The following ZFHX3 variants were observed in gnomAD, a reference collection of about 807,000 sequenced individuals.
The protein encoded by ZFHX3 is zinc finger homeobox protein 3.
A neutral mutation model predicts 279.1 loss-of-function variants in ZFHX3; 42 were observed. The observed-to-expected ratio is 0.15, with a 90% confidence interval of 0.12 to 0.19. The LOEUF is 0.19. Ranked by LOEUF, ZFHX3 falls within the 10% of genes least tolerant of loss-of-function variation. ZFHX3 has a pLI of 1.00. For synonymous variants in ZFHX3, 2,293 were observed against 1,957.8 expected, an observed-to-expected ratio of 1.17 and a Z score of -4.52; for missense variants, 4,981 against 4,754.0, an observed-to-expected ratio of 1.05 and a Z score of -1.40.
intron 5 of ZFHX3, among the ~76,000 whole-genome samples, chr16:73,192,889 G>T (rs528831784): frequency 6.6e-6 from 1 of 152,304 alleles, no homozygotes. Flanking sequence ...CAAATGGTGG[G>T]GAGCTGGACA....
At chr16:73,268,698 T>C (rs1286745520) in intron 4 of ZFHX3, among the ~76,000 whole-genome samples, 4 of 152,220 alleles carry the variant, frequency 2.6e-5, no homozygotes, top group African/African-American at 4.8e-5. Flanking sequence ...TGCCCTTTCA[T>C]CAGCCTTTTG....
At position 72,794,511 on chromosome 16, in the gene ZFHX3, G is replaced by A. The variant is rs745311893; in HGVS notation, c.8171C>T (p.Thr2724Ile). The A allele has an allele frequency of 6.2e-7, 1 of 1,614,254 alleles. No individual in the cohort carries two copies. Among genetic ancestry groups the A allele is most frequent in the Admixed American group, 1.7e-5 (1 of 60,032 alleles). The change falls in exon 9 of 10, where the codon ACT becomes ATT. Residue 2724 changes from threonine to isoleucine, a missense_variant. By Grantham distance (89) the Thr-to-Ile change is moderately conservative. Transcript: ENST00000268489. The surrounding 1 kb of genome is among the most constrained non-coding windows in gnomAD (Gnocchi z 4.2). ...PFCRALFKAK[T>I]ALEAHIRSRH... The stretch of plus-strand genomic sequence containing the variant: ...GGACCGGATATGAGCCTCAAGAGCA[G>A]TCTTGGCTTTGAAGAGCGCTCTGCA...
intron 4 of ZFHX3, among the ~76,000 whole-genome samples, chr16:72,847,405 C>T (rs2037507417): frequency 6.6e-6 from 1 of 152,138 alleles, no homozygotes; most frequent in African/African-American, 2.4e-5. Context: ...TGCAGGCAGG[C>T]AGCATTAGTT....
intron 1 of ZFHX3, among the ~76,000 whole-genome samples, chr16:73,725,810 C>A (rs1383025994): frequency 3.9e-5 from 6 of 152,196 alleles, no homozygotes; most frequent in Non-Finnish European, 7.3e-5. Flanking sequence ...AACAGGACAT[C>A]AACCCAGGCA....
chr16:73,890,166 A>T (rs2030481771), intron 1 of ZFHX3, among the ~76,000 whole-genome samples: 1 of 151,376 alleles, frequency 6.6e-6, no homozygotes, highest in African/African-American at 2.4e-5. Context: ...AAATAAATCT[A>T]TGACATCTAA....
intron 2 of ZFHX3, among the ~76,000 whole-genome samples, chr16:73,658,812 C>A (rs2052749750): frequency 6.6e-6 from 1 of 152,112 alleles, no homozygotes; most frequent in East Asian, 1.9e-4. Context: ...AAAACTACAT[C>A]TTTGTTCGAG....
At chr16:73,746,146 T>C (rs2142264806) in intron 1 of ZFHX3, among the ~76,000 whole-genome samples, 1 of 152,196 alleles carries the variant, frequency 6.6e-6, no homozygotes, top group African/African-American at 2.4e-5. Flanking sequence ...AGAGCCCAAA[T>C]CAAGCATATC....
intron 5 of ZFHX3, among the ~76,000 whole-genome samples, chr16:73,178,102 T>C (rs1967706238): frequency 6.6e-6 from 1 of 152,160 alleles, no homozygotes; most frequent in Non-Finnish European, 1.5e-5. Context: ...TGTAAATTAG[T>C]TTAATCCCTC....
At chr16:73,366,869 C>T (rs1011543273) in intron 3 of ZFHX3, among the ~76,000 whole-genome samples, 1 of 152,136 alleles carries the variant, frequency 6.6e-6, no homozygotes, top group Non-Finnish European at 1.5e-5. Flanking sequence ...AGAGAATGTT[C>T]ATTTTTGGTT....
chr16:73,081,592 A>C (rs960801576), intron 8 of ZFHX3: 1 of 152,090 alleles, frequency 6.6e-6, no homozygotes, highest in African/African-American at 2.4e-5. Context: ...CAAATGCCTC[A>C]CTAAAGCCCA....
intron 1 of ZFHX3, among the ~76,000 whole-genome samples, chr16:73,763,085 C>T (rs566810627): frequency 6.6e-6 from 1 of 152,074 alleles, no homozygotes; most frequent in African/African-American, 2.4e-5. Flanking sequence ...TTTACCTTGT[C>T]TCAAGTTCTC....
intron 7 of ZFHX3, among the ~76,000 whole-genome samples, chr16:73,111,638 GAGAGAA>G (rs201231511): frequency 7.6e-6 from 1 of 132,004 alleles, no homozygotes; most frequent in African/African-American, 2.7e-5. Context: ...AGAAAGAAGA[GAGAGAA>G]AGAGAGGAAG....
At chr16:73,612,917 G>A (rs866509610) in intron 2 of ZFHX3, among the ~76,000 whole-genome samples, 4 of 151,906 alleles carry the variant, frequency 2.6e-5, no homozygotes, top group South Asian at 2.1e-4. Context: ...TAGGGATTTA[G>A]GATGGTTAAA....
intron 2 of ZFHX3, among the ~76,000 whole-genome samples, chr16:73,497,661 C>T (rs953063399): frequency 6.6e-6 from 1 of 152,120 alleles, no homozygotes; most frequent in Non-Finnish European, 1.5e-5. Context: ...CAGAGCAAGA[C>T]CCTGTCTTAA....
intron 1 of ZFHX3, among the ~76,000 whole-genome samples, chr16:73,851,444 T>C (rs1183790747): frequency 6.6e-6 from 1 of 152,216 alleles, no homozygotes; most frequent in Admixed American, 6.5e-5. Context: ...AATTTTACTC[T>C]GAAAATAGTA....
Position 73,800,949 on chromosome 16 carries a change from T to C in ZFHX3, c.-1608+90702A>G, listed in dbSNP as rs367900129. Among the ~76,000 whole-genome samples the C allele has an allele frequency of 1.3e-3, 193 of 152,310 alleles. 1 individual carries two copies. Among genetic ancestry groups the C allele is most frequent in the African/African-American group, 4.5e-3 (185 of 41,548 alleles). On this transcript the variant is annotated intron_variant, in intron 1 of 17. Transcript: ENST00000641206. ...TCATGTGTCTCCGTTCTTCGGCCAC[T>C]TGCCTGCCCTGGTAGTTATAAACGT... is the stretch of plus-strand genomic sequence containing the variant.
intron 7 of ZFHX3, among the ~76,000 whole-genome samples, chr16:73,119,561 C>T (rs1966472484): frequency 6.6e-6 from 1 of 152,234 alleles, no homozygotes; most frequent in Non-Finnish European, 1.5e-5. Context: ...AGCGCTTGGA[C>T]CAACCAGCCG....
chr16:73,364,053 A>G (rs2016484613), intron 3 of ZFHX3, among the ~76,000 whole-genome samples: 1 of 152,090 alleles, frequency 6.6e-6, no homozygotes, highest in Admixed American at 6.6e-5. Context: ...CATGCCTGTC[A>G]TCCCAGCTAC....
At chr16:73,352,305 A>G (rs887713057) in intron 3 of ZFHX3, among the ~76,000 whole-genome samples, 4 of 152,128 alleles carry the variant, frequency 2.6e-5, no homozygotes, top group Non-Finnish European at 4.4e-5. Context: ...TAATGACAAA[A>G]GGACAATCAA....
Sources: allele counts gnomAD v4.1 joint callset (sites outside exome capture counted in the v4.1 genomes callset), GRCh38; gene constraint gnomAD v4.1.1; non-coding constraint Gnocchi (gnomAD v3.1); transcripts MANE v1.5; gene names NCBI Gene and HGNC (gene_info 2026-07-23, HGNC 2026-07-21).